GEMIN5: variants seen among roughly 807,000 people sequenced by gnomAD.
The protein encoded by GEMIN5 is gem-associated protein 5.
In GEMIN5, 124 loss-of-function variants were observed where a neutral mutation model predicts 176.9. That is an observed-to-expected ratio of 0.70 (90% CI 0.61 to 0.81). The LOEUF is 0.81. GEMIN5 is among the 40% of genes least tolerant of loss of function. The probability of loss-of-function intolerance (pLI) is 0.00; values close to 1 mark genes in which losing one functional copy is unlikely to be tolerated. For synonymous variants in GEMIN5, 673 were observed against 665.2 expected (o/e 1.01, Z -0.18); for missense variants, 1,843 against 1,814.6 (o/e 1.02, Z -0.28).
chr5:154,894,445 G>A (rs1373314120), intron 24 of GEMIN5, among the ~76,000 whole-genome samples: 2 of 152,150 alleles, frequency 1.3e-5, no homozygotes, highest in Non-Finnish European at 2.9e-5. Context: ...CAGAACTGCT[G>A]AGACATGGGG....
intron 14 of GEMIN5, 66 bp downstream of exon 14, chr5:154,912,833 G>A: frequency 1.4e-6 from 2 of 1,388,946 alleles, no homozygotes; most frequent in East Asian, 2.4e-5. Flanking sequence ...ACAACTGGGG[G>A]AAAAGAAGAA....
intron 9 of GEMIN5, among the ~76,000 whole-genome samples, chr5:154,923,314 A>C (rs1335634871): frequency 6.6e-6 from 1 of 152,056 alleles, no homozygotes; most frequent in Non-Finnish European, 1.5e-5. Flanking sequence ...CAGAAGGCGA[A>C]GGTTTTGGTG....
rs116322935 is a variant in GEMIN5 at position 154,934,706 on chromosome 5, C to T, written c.509+1135G>A. On this transcript the variant is annotated intron_variant, in intron 3 of 27. Transcript: ENST00000285873. ...CACAAAGCCCCAAACCTGGCTGAAT[C>T]CAACCATCTCCTTTCTCAAACAGTT... Among the ~76,000 whole-genome samples, 767 of 152,336 alleles carry T rather than the reference C, an allele frequency of 5.0e-3. 3 individuals are homozygous for T. The highest frequency in any genetic ancestry group is 0.017 in the African/African-American group (721 of 41,576).
At chr5:154,914,734 C>T (rs1403218226) in intron 13 of GEMIN5, among the ~76,000 whole-genome samples, 2 of 152,062 alleles carry the variant, frequency 1.3e-5, no homozygotes, top group African/African-American at 4.8e-5. Context: ...CATGAGCCAC[C>T]ACACGTAGCC....
intron 14 of GEMIN5, 82 bp downstream of exon 14, chr5:154,912,817 C>G (rs984010686): frequency 9.2e-6 from 11 of 1,201,622 alleles, no homozygotes; most frequent in Admixed American, 4.4e-5. Flanking sequence ...GAGGGGGAAC[C>G]TGTTCACAAC....
At chr5:154,912,632 T>C (rs1392133870) in intron 14 of GEMIN5, among the ~76,000 whole-genome samples, 1 of 152,140 alleles carries the variant, frequency 6.6e-6, no homozygotes, top group Non-Finnish European at 1.5e-5. Context: ...ATACTGATAG[T>C]GAGTCAGAAT....
chr5:154,896,097 T>G lies in GEMIN5; in HGVS notation c.3592A>C (p.Lys1198Gln). The G allele has an allele frequency of 1.2e-6, 2 of 1,613,146 alleles. No homozygotes were observed. Among genetic ancestry groups the G allele is most frequent in the East Asian group, 2.2e-5 (1 of 44,856 alleles). ...YPSATNNTPA[K>Q]QLLLHICHDL... Reference sequence around the variant, plus strand: ...TGCTGGTACAGATGGCTTACCTGTTTGGCAGGTGTGTTATTTGTAGCAGAT... The same window carrying G: ...TGCTGGTACAGATGGCTTACCTGTTGGGCAGGTGTGTTATTTGTAGCAGAT... The change falls in exon 24 of 28, where the codon AAA becomes CAA. Residue 1198 changes from lysine (K) to glutamine (Q), a missense_variant. Lys to Gln is a moderately conservative substitution (Grantham distance 53). Coordinates refer to ENST00000285873, the MANE Select transcript of GEMIN5 (RefSeq NM_015465.5).
chr5:154,907,602 A>C lies in GEMIN5; in HGVS notation c.2384T>G (p.Leu795Arg), dbSNP rs779832557. The change falls in exon 16 of 28, where the codon CTT becomes CGT. Residue 795 changes from leucine (L) to arginine (R), a missense_variant. By Grantham distance (102) the Leu-to-Arg change is moderately radical. Coordinates refer to ENST00000285873, the MANE Select transcript of GEMIN5 (RefSeq NM_015465.5). ...ATTCTGCCACATACCCGCTGGAGCAAGGCCACAGGGTAATTCCGGCTCCCG... is the reference window on the plus strand; with the variant it reads ...ATTCTGCCACATACCCGCTGGAGCACGGCCACAGGGTAATTCCGGCTCCCG... ...QAREPELPCG[L>R]APAVSREPVI... is the part of the protein sequence containing the mutation. The C allele has an allele frequency of 1.9e-6, 3 of 1,612,458 alleles. No homozygotes were observed. The highest frequency in any genetic ancestry group is 8.5e-7 in the Non-Finnish European group (1 of 1,178,494).
intron 15 of GEMIN5, among the ~76,000 whole-genome samples, chr5:154,909,916 T>C (rs1168299655): frequency 6.6e-6 from 1 of 151,620 alleles, no homozygotes; most frequent in East Asian, 1.9e-4. Context: ...GGGGCAGAGG[T>C]TGTAGTGAGC....
At chr5:154,906,948 G>A (rs1763579953) in intron 16 of GEMIN5, among the ~76,000 whole-genome samples, 1 of 152,026 alleles carries the variant, frequency 6.6e-6, no homozygotes, top group Non-Finnish European at 1.5e-5. Context: ...TTTATCACTT[G>A]GTCTGACAAA....
Position 154,937,192 on chromosome 5 carries a change from G to A in GEMIN5, c.167-7C>T, listed in dbSNP as rs913729834. The stretch of plus-strand genomic sequence containing the variant: ...CCCACCAACTCTCCTATGACTTTAA[G>A]CAAAACCAGACGCTAGGTTAATCGA... On this transcript the variant is annotated splice_region_variant and splice_polypyrimidine_tract_variant and intron_variant, in intron 1 of 27. Transcript: ENST00000285873. 1 of 1,593,386 alleles carries A rather than the reference G, an allele frequency of 6.3e-7. No individual in the cohort carries two copies. The highest frequency in any genetic ancestry group is 8.6e-7 in the Non-Finnish European group (1 of 1,166,906).
At chr5:154,911,137 G>A (rs1763691291) in intron 15 of GEMIN5, among the ~76,000 whole-genome samples, 2 of 152,188 alleles carry the variant, frequency 1.3e-5, no homozygotes, top group South Asian at 4.1e-4. Context: ...TCCAGGTTCA[G>A]TTTGTTCTCT....
At chr5:154,937,882 T>G (rs1432324363) in intron 1 of GEMIN5, 86 bp downstream of exon 1, 1 of 1,222,290 alleles carries the variant, frequency 8.2e-7, no homozygotes, top group African/African-American at 1.6e-5. Context: ...TCCCTAGCTG[T>G]AGAAAACGGG....
chr5:154,895,871 T>C (rs1763339546), intron 24 of GEMIN5, among the ~76,000 whole-genome samples: 1 of 151,514 alleles, frequency 6.6e-6, no homozygotes. Flanking sequence ...TTCAAACAAC[T>C]AAAAAAAACA....
chr5:154,901,784 CTT>C (rs768598175), intron 20 of GEMIN5, among the ~76,000 whole-genome samples: 1 of 18,470 alleles, frequency 5.4e-5, no homozygotes, highest in East Asian at 2.2e-3. Flanking sequence ...TGACTACGTG[CTT>C]TTTTTTTTTC....
chr5:154,938,208 G>A lies in GEMIN5; in HGVS notation c.-75C>T. On this transcript the variant is annotated 5_prime_UTR_variant, in exon 1 of 28. Coordinates refer to ENST00000285873, the MANE Select transcript of GEMIN5 (RefSeq NM_015465.5). ...AGCCTCACGCCTTAGGTAGGGAGCG[G>A]GGCGGGGTGAACTCCGAGCCCCGCC... The A allele has an allele frequency of 8.3e-7, 1 of 1,212,064 alleles. No homozygotes were observed. Among genetic ancestry groups the A allele is most frequent in the Non-Finnish European group, 1.1e-6 (1 of 939,488 alleles). The allele number at this position is 1,212,064 out of a possible 1,614,324, so 75.1% of individuals were successfully genotyped here. A position where few individuals can be genotyped will look rare whatever the true frequency, so the allele number is the denominator to read the frequency against.
chr5:154,916,147 C>G (rs959119496), intron 13 of GEMIN5, among the ~76,000 whole-genome samples: 1 of 151,834 alleles, frequency 6.6e-6, no homozygotes, highest in Non-Finnish European at 1.5e-5. Flanking sequence ...TATGGCCTCC[C>G]AAAGTGCTAG....
At chr5:154,931,416 A>G (rs1360487735) in intron 5 of GEMIN5, 42 bp downstream of exon 5, 1 of 1,561,506 alleles carries the variant, frequency 6.4e-7, no homozygotes, top group Non-Finnish European at 8.7e-7. Context: ...TACTTCCACC[A>G]GATCAACATA....
intron 18 of GEMIN5, among the ~76,000 whole-genome samples, 185 bp from the exon 19 acceptor site, chr5:154,903,360 G>C (rs767410055): frequency 1.1e-4 from 17 of 152,044 alleles, no homozygotes; most frequent in South Asian, 2.1e-4. Flanking sequence ...TGTTAAAAGT[G>C]AACCCCAAAT....
Sources: gnomAD v4.1 joint callset for allele counts (sites outside exome capture counted in the v4.1 genomes callset) on GRCh38, gnomAD v4.1.1 for gene constraint, MANE v1.5 for transcripts, NCBI Gene and HGNC (gene_info 2026-07-23, HGNC 2026-07-21) for gene names.